MAP3K4: variants seen among roughly 807,000 people sequenced by gnomAD.
The protein encoded by MAP3K4 is mitogen-activated protein kinase kinase kinase 4.
In MAP3K4, 67 loss-of-function variants were observed where a neutral mutation model predicts 185.6. The ratio of observed to expected loss-of-function variants is 0.36; its 90% CI spans 0.30 to 0.44. The LOEUF (loss-of-function observed/expected upper bound fraction) is 0.44. Ranked by LOEUF, MAP3K4 falls within the 20% of genes least tolerant of loss-of-function variation. MAP3K4 has a pLI of 1.00. For synonymous variants in MAP3K4, 702 were observed against 710.4 expected (o/e 0.99, Z 0.19); for missense variants, 1,551 against 1,995.1 (o/e 0.78, Z 4.24).
At position 161,034,887 on chromosome 6, in the gene MAP3K4, C is replaced by T. The variant is rs1398043858; in HGVS notation, c.343+438C>T. Among the ~76,000 whole-genome samples, 4 of 152,206 alleles carry T rather than the reference C, an allele frequency of 2.6e-5. No homozygotes were observed. Among genetic ancestry groups the T allele is most frequent in the East Asian group, 1.9e-4 (1 of 5,170 alleles). On this transcript the variant is annotated intron_variant, in intron 2 of 26. Transcript: ENST00000392142. This position sits in a 1 kb window ranked among gnomAD's most constrained non-coding sequence, Gnocchi z 4.4. ...TTCCCTCTGCTCTCTGCTGGTGCCC[C>T]GGGGTGCTATCTTTAGTGTGTAGGG... is the stretch of plus-strand genomic sequence containing the variant.
rs982957899 is a variant in MAP3K4, at chr6:161,110,479, G to A, written c.4396+565G>A. Among the ~76,000 whole-genome samples, 14 of 152,314 alleles carry A rather than the reference G, an allele frequency of 9.2e-5. No homozygotes were observed. In the South Asian group the frequency reaches 2.3e-3, roughly 25 times the overall value. On this transcript the variant is annotated intron_variant, in intron 23 of 26. Transcript: ENST00000392142. The surrounding 1 kb of genome is among the most constrained non-coding windows in gnomAD (Gnocchi z 4.8). ...GGGCTTCTGTCTCAGAACGGTCACC[G>A]TGGCATTTGCCTTAACCACGCCATG...
chr6:161,045,821 C>G (rs996860405), intron 2 of MAP3K4, among the ~76,000 whole-genome samples: 10 of 152,258 alleles, frequency 6.6e-5, no homozygotes, highest in Non-Finnish European at 7.4e-5. Context: ...CCTGAGCCAA[C>G]AAGATTGTTT....
rs1307508193 is a variant in MAP3K4, at chr6:161,112,793, C to T, written c.4626+19C>T. 1.3e-6 allele frequency: 2 copies of T among 1,529,390 alleles called. No homozygotes were observed. Among genetic ancestry groups the T allele is most frequent in the Non-Finnish European group, 1.8e-6 (2 of 1,136,764 alleles). 94.7% of individuals were successfully genotyped at this position (1,529,390 alleles called of 1,614,324 possible). A position where few individuals can be genotyped will look rare whatever the true frequency, so the allele number is the denominator to read the frequency against. On this transcript the variant is annotated intron_variant, in intron 25 of 26. Coordinates refer to ENST00000392142, the MANE Select transcript of MAP3K4 (RefSeq NM_005922.4). This position sits in a 1 kb window ranked among gnomAD's most constrained non-coding sequence, Gnocchi z 5.1. The stretch of plus-strand genomic sequence containing the variant: ...TGGCAAGGTAAGCGGAGCCCCCACA[C>T]CTGGCGGAGCAACTTCAGAAGGGCA...
chr6:161,098,540 T>G lies in MAP3K4; in HGVS notation c.3674+113T>G. 7.7e-7 allele frequency: 1 copy of G among 1,303,394 alleles called. No homozygotes were observed. The highest frequency in any genetic ancestry group is 2.5e-5 in the East Asian group (1 of 40,490). The allele number at this position is 1,303,394 out of a possible 1,614,324, so 80.7% of individuals were successfully genotyped here. ...GTGGTTGGGCTTCTTTGCTGTGGCGTGTGAGTGATGCTCTAGGGCCTTCCG... is the reference window on the plus strand; with the variant it reads ...GTGGTTGGGCTTCTTTGCTGTGGCGGGTGAGTGATGCTCTAGGGCCTTCCG... On this transcript the variant is annotated intron_variant, in intron 17 of 26. Transcript: ENST00000392142. The surrounding 1 kb of genome is among the most constrained non-coding windows in gnomAD (Gnocchi z 4.4).
intron 2 of MAP3K4, among the ~76,000 whole-genome samples, chr6:161,039,182 G>A (rs888104274): frequency 6.8e-6 from 1 of 146,130 alleles, no homozygotes; most frequent in Non-Finnish European, 1.5e-5. Flanking sequence ...ACTTTGGGAA[G>A]TTAACTGCTA....
At chr6:161,003,791 G>T (rs1583093877) in intron 1 of MAP3K4, among the ~76,000 whole-genome samples, 1 of 151,988 alleles carries the variant, frequency 6.6e-6, no homozygotes, top group African/African-American at 2.4e-5. Context: ...AAGGATATTT[G>T]GTTGTTTCTT....
At chr6:161,095,327 A>G (rs957201859) in intron 15 of MAP3K4, among the ~76,000 whole-genome samples, 1 of 152,184 alleles carries the variant, frequency 6.6e-6, no homozygotes, top group African/African-American at 2.4e-5. Flanking sequence ...AAGTAATAAC[A>G]ATGTGTAAAT....
rs1785412306 is a variant in MAP3K4 at position 161,080,753 on chromosome 6, G to A, written c.2098-128G>A. ...AGTGGTGAGAACCTTGCTTCTGTCG[G>A]TGCTGCGTGCCTGTGACAGCCCCCG... On this transcript the variant is annotated intron_variant, in intron 5 of 26. Transcript: ENST00000392142. The surrounding 1 kb of genome is among the most constrained non-coding windows in gnomAD (Gnocchi z 4.8). The A allele has an allele frequency of 2.7e-6, 2 of 728,236 alleles. No individual in the cohort carries two copies. The highest frequency in any genetic ancestry group is 1.8e-5 in the African/African-American group (1 of 55,870). 45.1% of individuals were successfully genotyped at this position (728,236 alleles called of 1,614,324 possible). A position where few individuals can be genotyped will look rare whatever the true frequency, so the allele number is the denominator to read the frequency against.
chr6:161,058,133 C>G (rs983754144), intron 3 of MAP3K4, among the ~76,000 whole-genome samples: 10 of 152,242 alleles, frequency 6.6e-5, no homozygotes, highest in South Asian at 4.1e-4. Flanking sequence ...AGGATATGAA[C>G]CCAGAGCTCT....
rs377004602 is a variant in MAP3K4, at chr6:161,116,791, G to A, written c.4807-59G>A. ...CTTCCCCGTAAGACTCATACTGCGC[G>A]TATGCACAAGCACACACCTGGCTCT... On this transcript the variant is annotated intron_variant, in intron 26 of 26. Transcript: ENST00000392142. The surrounding 1 kb of genome is among the most constrained non-coding windows in gnomAD (Gnocchi z 6.2). 1.5e-4 allele frequency: 229 copies of A among 1,532,342 alleles called. 1 individual carries two copies. Among genetic ancestry groups the A allele is most frequent in the Middle Eastern group, 3.4e-4 (2 of 5,884 alleles). The allele number at this position is 1,532,342 out of a possible 1,614,324, so 94.9% of individuals were successfully genotyped here. A position where few individuals can be genotyped will look rare whatever the true frequency, so the allele number is the denominator to read the frequency against.
chr6:161,063,204 G>GT lies in MAP3K4; in HGVS notation c.1708-7396dup, dbSNP rs966353725. ...TTAAATTCTGAGTTCTATCACTGAG[G>GT]TTTTTTTTCTAATTCTAATTTTTGT... On this transcript the variant is annotated intron_variant, in intron 3 of 26. Coordinates refer to ENST00000392142, the MANE Select transcript of MAP3K4 (RefSeq NM_005922.4). This position sits in a 1 kb window ranked among gnomAD's most constrained non-coding sequence, Gnocchi z 5.4. Among the ~76,000 whole-genome samples, 4 of 150,858 alleles carry GT rather than the reference G, an allele frequency of 2.7e-5. No individual in the cohort carries two copies. The highest frequency in any genetic ancestry group is 5.9e-5 in the Non-Finnish European group (4 of 67,634).
At chr6:161,092,941 G>T (rs1465427545) in intron 13 of MAP3K4, 37 bp from the exon 14 acceptor site, 3 of 1,266,820 alleles carry the variant, frequency 2.4e-6, no homozygotes, top group South Asian at 1.2e-5. Flanking sequence ...GCGTTTTCTT[G>T]GTTGTTATGT....
chr6:161,037,138 G>T lies in MAP3K4; in HGVS notation c.343+2689G>T, dbSNP rs996330464. The stretch of plus-strand genomic sequence containing the variant: ...TACCAAGACAAGGTGGAAATGGGAC[G>T]CCAGTGGTAGACAAGTGGGCCATTT... On this transcript the variant is annotated intron_variant, in intron 2 of 26. Transcript: ENST00000392142. This position sits in a 1 kb window ranked among gnomAD's most constrained non-coding sequence, Gnocchi z 4.2. Among the ~76,000 whole-genome samples the T allele has an allele frequency of 6.6e-6, 1 of 152,200 alleles. No individual in the cohort carries two copies.
rs955789146 is a variant in MAP3K4 at position 161,103,436 on chromosome 6, A to AT, written c.3856+661dup. On this transcript the variant is annotated intron_variant, in intron 19 of 26. Transcript: ENST00000392142. The surrounding 1 kb of genome is among the most constrained non-coding windows in gnomAD (Gnocchi z 4.6). Reference sequence around the variant, plus strand: ...CCAAGGCCTAGAGATGTCTGGAAGGATTTTGTGGAGGGAGGAGACTGGGCT... The same window carrying AT: ...CCAAGGCCTAGAGATGTCTGGAAGGATTTTTGTGGAGGGAGGAGACTGGGCT... Among the ~76,000 whole-genome samples, 1 of 152,144 alleles carries AT rather than the reference A, an allele frequency of 6.6e-6. No homozygotes were observed. Among genetic ancestry groups the AT allele is most frequent in the Non-Finnish European group, 1.5e-5 (1 of 68,036 alleles).
At position 161,033,714 on chromosome 6, in the gene MAP3K4, C is replaced by T. The variant is rs913513055; in HGVS notation, c.153-545C>T. Among the ~76,000 whole-genome samples the T allele has an allele frequency of 2.0e-5, 3 of 152,098 alleles. No individual in the cohort carries two copies. The East Asian group carries it at 5.8e-4, about 29-fold the overall frequency. ...TTATCAGACAACTTAGGAAATGGAC[C>T]TGCCATACTTTCTTGGTACTTCGTG... On this transcript the variant is annotated intron_variant, in intron 1 of 26. Transcript: ENST00000392142.
Position 161,108,088 on chromosome 6 carries a change from T to G in MAP3K4, c.4119+119T>G. The G allele has an allele frequency of 1.2e-6, 1 of 847,474 alleles. No individual in the cohort carries two copies. The highest frequency in any genetic ancestry group is 1.7e-5 in the South Asian group (1 of 60,576). The allele number at this position is 847,474 out of a possible 1,614,324, so 52.5% of individuals were successfully genotyped here. A position where few individuals can be genotyped will look rare whatever the true frequency, so the allele number is the denominator to read the frequency against. On this transcript the variant is annotated intron_variant, in intron 21 of 26. Coordinates refer to ENST00000392142, the MANE Select transcript of MAP3K4 (RefSeq NM_005922.4). This position sits in a 1 kb window ranked among gnomAD's most constrained non-coding sequence, Gnocchi z 5.7. ...GTAGAGCTGTCTTCAGCACCAGCACTGCGACAGTCAGGACCAACCAGGCAG... is the reference window on the plus strand; with the variant it reads ...GTAGAGCTGTCTTCAGCACCAGCACGGCGACAGTCAGGACCAACCAGGCAG...
At chr6:161,094,681 C>T (rs1429991171) in intron 15 of MAP3K4, among the ~76,000 whole-genome samples, 3 of 152,242 alleles carry the variant, frequency 2.0e-5, no homozygotes, top group Non-Finnish European at 4.4e-5. Context: ...GCAGAAAATT[C>T]AGTAGAATGG....
rs1348548763 is a variant in MAP3K4, at chr6:161,093,072, A to C, written c.3348+16A>C. ...TGACTTCTTGGTATGGATTATTCTAAAGTTTTTTTCATTATAAAATAAGCC... is the reference window on the plus strand; with the variant it reads ...TGACTTCTTGGTATGGATTATTCTACAGTTTTTTTCATTATAAAATAAGCC... On this transcript the variant is annotated intron_variant, in intron 14 of 26. Transcript: ENST00000392142. The surrounding 1 kb of genome is among the most constrained non-coding windows in gnomAD (Gnocchi z 5.2). 1 of 1,573,208 alleles carries C rather than the reference A, an allele frequency of 6.4e-7. No individual in the cohort carries two copies. The highest frequency in any genetic ancestry group is 1.7e-5 in the Admixed American group (1 of 58,774).
chr6:161,048,511 G>A lies in MAP3K4; in HGVS notation c.344-105G>A. ...TATGCTTTTTTTTCTTCCATTAGCA[G>A]TCTGAAAATATAAATATGTGTGAAT... On this transcript the variant is annotated intron_variant, in intron 2 of 26. Transcript: ENST00000392142. The surrounding 1 kb of genome is among the most constrained non-coding windows in gnomAD (Gnocchi z 4.7). The A allele has an allele frequency of 2.8e-6, 2 of 718,332 alleles. No individual in the cohort carries two copies. The highest frequency in any genetic ancestry group is 4.4e-6 in the Non-Finnish European group (2 of 454,100). The allele number at this position is 718,332 out of a possible 1,614,324, so 44.5% of individuals were successfully genotyped here.
Sources: gnomAD v4.1 joint callset for allele counts (sites outside exome capture counted in the v4.1 genomes callset) on GRCh38, gnomAD v4.1.1 for gene constraint, Gnocchi (gnomAD v3.1) non-coding constraint, MANE v1.5 for transcripts, NCBI Gene and HGNC (gene_info 2026-07-23, HGNC 2026-07-21) for gene names.